The following BCAS3 variants were observed in gnomAD, a reference collection of about 807,000 sequenced individuals.
BCAS3 encodes BCAS3 microtubule associated cell migration factor.
Under a neutral mutation model 116.1 loss-of-function variants are expected in BCAS3, and 53 were observed. The observed-to-expected ratio is 0.46, with a 90% CI of 0.37 to 0.57. The LOEUF is 0.57. Ranked by LOEUF, BCAS3 falls within the 20% of genes least tolerant of loss-of-function variation. The pLI is 0.00. For synonymous variants in BCAS3, 391 were observed against 408.2 expected, an observed-to-expected ratio of 0.96 and a Z score of 0.51; for missense variants, 917 against 1,165.4, an observed-to-expected ratio of 0.79 and a Z score of 3.10.
intron 22 of BCAS3, among the ~76,000 whole-genome samples, chr17:61,350,751 G>A (rs1291116433): frequency 6.6e-6 from 1 of 151,612 alleles, no homozygotes; most frequent in African/African-American, 2.4e-5. Context: ...TCCCATCTCA[G>A]CCTCCTGAGT....
chr17:60,725,195 A>G (rs1343243485), intron 5 of BCAS3, among the ~76,000 whole-genome samples: 1 of 152,164 alleles, frequency 6.6e-6, no homozygotes. Context: ...TCTTTACCCA[A>G]TTAATTGGAA....
rs1455587127 is a variant in BCAS3 at position 61,376,214 on chromosome 17, A to G, written c.2593+7720A>G. ...CTCTCAGGTCCCTTTCCCAAACCTGAGATTCTCTGATTCTAAGTGAAAGGT... is the reference window on the plus strand; with the variant it reads ...CTCTCAGGTCCCTTTCCCAAACCTGGGATTCTCTGATTCTAAGTGAAAGGT... On this transcript the variant is annotated intron_variant, in intron 23 of 23. Coordinates refer to ENST00000407086, the MANE Select transcript of BCAS3 (RefSeq NM_017679.5). This position sits in a 1 kb window ranked among gnomAD's most constrained non-coding sequence, Gnocchi z 4.5. Among the ~76,000 whole-genome samples, 2 of 152,110 alleles carry G rather than the reference A, an allele frequency of 1.3e-5. No individual in the cohort carries two copies. Among genetic ancestry groups the G allele is most frequent in the African/African-American group, 4.8e-5 (2 of 41,404 alleles).
In BCAS3 at chr17:61,084,167, C is replaced by G. The variant is rs1354163766; in HGVS notation, c.2328-300C>G. Among the ~76,000 whole-genome samples, 1 of 152,042 alleles carries G rather than the reference C, an allele frequency of 6.6e-6. No homozygotes were observed. Among genetic ancestry groups the G allele is most frequent in the African/African-American group, 2.4e-5 (1 of 41,334 alleles). ...ATAAACATTTTCAGTGTTTAATTTC[C>G]TCTCCCATTCTACTTATTGTATCCC... On this transcript the variant is annotated intron_variant, in intron 21 of 23. Transcript: ENST00000407086. The surrounding 1 kb of genome is among the most constrained non-coding windows in gnomAD (Gnocchi z 5.5).
At chr17:60,771,415 T>C (rs1415793137) in intron 6 of BCAS3, among the ~76,000 whole-genome samples, 3 of 150,740 alleles carry the variant, frequency 2.0e-5, no homozygotes, top group Non-Finnish European at 4.4e-5. Flanking sequence ...GGATAAAGTA[T>C]GTTGCAAAGA....
intron 4 of BCAS3, among the ~76,000 whole-genome samples, chr17:60,708,056 G>T (rs893319006): frequency 2.7e-4 from 41 of 152,186 alleles, no homozygotes; most frequent in African/African-American, 9.6e-4. Flanking sequence ...GGAAGTGATG[G>T]CTTATACCTG....
intron 12 of BCAS3, among the ~76,000 whole-genome samples, chr17:60,915,674 CT>C (rs1371289681): frequency 3.0e-5 from 4 of 133,744 alleles, no homozygotes; most frequent in South Asian, 2.1e-4. Context: ...GTAGTTCGTA[CT>C]TTTTTTCTTT....
rs2061128395 is a variant in BCAS3, at chr17:60,956,265, T to C, written c.1221+8913T>C. On this transcript the variant is annotated intron_variant, in intron 14 of 23. Transcript: ENST00000407086. The surrounding 1 kb of genome is among the most constrained non-coding windows in gnomAD (Gnocchi z 4.2). ...ACATATCTTCACCACTTTCTGAGCTTGTCCTTACTTTCTGGCACAACTAAC... is the reference window on the plus strand; with the variant it reads ...ACATATCTTCACCACTTTCTGAGCTCGTCCTTACTTTCTGGCACAACTAAC... 6.6e-6 allele frequency among the ~76,000 whole-genome samples: 1 copy of C among 152,238 alleles called. No homozygotes were observed. Among genetic ancestry groups the C allele is most frequent in the African/African-American group, 2.4e-5 (1 of 41,468 alleles).
At chr17:60,887,541 G>A (rs2056806221) in intron 9 of BCAS3, 1 of 152,302 alleles carries the variant, frequency 6.6e-6, no homozygotes, top group African/African-American at 2.4e-5. Flanking sequence ...AGGGGTCCAC[G>A]TTCATTCCAG....
In BCAS3 at chr17:61,259,975, A is replaced by G. The variant is rs2049060326; in HGVS notation, c.2426-108352A>G. Among the ~76,000 whole-genome samples, 1 of 152,220 alleles carries G rather than the reference A, an allele frequency of 6.6e-6. No homozygotes were observed. The highest frequency in any genetic ancestry group is 1.5e-5 in the Non-Finnish European group (1 of 68,032). On this transcript the variant is annotated intron_variant, in intron 22 of 23. Transcript: ENST00000407086. The surrounding 1 kb of genome is among the most constrained non-coding windows in gnomAD (Gnocchi z 4.7). ...GAGGTAGGCGTTGTACAGGCTGCCT[A>G]ACATAGTTTTTTATTAATCCTCACA...
At chr17:60,966,946 C>T (rs917062184) in intron 14 of BCAS3, among the ~76,000 whole-genome samples, 2 of 151,992 alleles carry the variant, frequency 1.3e-5, no homozygotes, top group Non-Finnish European at 2.9e-5. Context: ...ATGCCTGGCA[C>T]CCCCAGCATC....
intron 23 of BCAS3, among the ~76,000 whole-genome samples, chr17:61,375,246 G>GTGTGCGCGCGCGCGCGCGCGCACA (rs1555861733): frequency 9.7e-4 from 147 of 150,782 alleles, no homozygotes; most frequent in African/African-American, 3.6e-3. Context: ...GTGTGTGTGT[G>GTGTGCGCGCGCGCGCGCGCGCACA]TGTGTGTGTA....
intron 6 of BCAS3, among the ~76,000 whole-genome samples, chr17:60,794,883 T>C (rs781455072): frequency 3.3e-5 from 5 of 152,326 alleles, no homozygotes; most frequent in Admixed American, 1.3e-4. Flanking sequence ...TTTGGCTATA[T>C]GGGCTCTTTT....
rs144463680 is a variant in BCAS3, at chr17:61,005,183, C to T, written c.1487-10568C>T. 5.7e-3 allele frequency among the ~76,000 whole-genome samples: 871 copies of T among 152,092 alleles called. 3 individuals are homozygous for T. Among genetic ancestry groups the T allele is most frequent in the Non-Finnish European group, 8.4e-3 (571 of 67,976 alleles). ...GGATCTTTTGTAAAAGTAGGTTTTA[C>T]GTACGTAGGTAAAGTCATAGGCATA... On this transcript the variant is annotated intron_variant, in intron 15 of 23. Transcript: ENST00000407086.
chr17:61,230,734 T>C (rs2082626739), intron 22 of BCAS3, among the ~76,000 whole-genome samples: 2 of 152,168 alleles, frequency 1.3e-5, no homozygotes, highest in Non-Finnish European at 2.9e-5. Context: ...CTATTGTGAA[T>C]AGTGTGGCAG....
intron 7 of BCAS3, among the ~76,000 whole-genome samples, chr17:60,844,801 T>C (rs770590719): frequency 5.3e-5 from 8 of 152,160 alleles, no homozygotes; most frequent in Non-Finnish European, 1.0e-4. Flanking sequence ...GAGGATATCA[T>C]TGTAGTCAGT....
chr17:61,044,183 C>G (rs780427027), intron 19 of BCAS3, among the ~76,000 whole-genome samples: 2 of 151,830 alleles, frequency 1.3e-5, no homozygotes, highest in Non-Finnish European at 2.9e-5. Context: ...CGCGGTGGCT[C>G]AGGCCTGTAA....
chr17:61,368,465 C>T lies in BCAS3; in HGVS notation c.2564C>T (p.Pro855Leu). 1 of 1,609,356 alleles carries T rather than the reference C, an allele frequency of 6.2e-7. No homozygotes were observed. Among genetic ancestry groups the T allele is most frequent in the Non-Finnish European group, 8.5e-7 (1 of 1,176,082 alleles). ...CTTGCCGACGCCATGGCCGAGTCAC[C>T]TAGCCGGGACGTCGTGGGATCCGGA... is the stretch of plus-strand genomic sequence containing the variant. The part of the protein sequence containing the change: ...ERLADAMAES[P>L]SRDVVGSGTE... The change falls in exon 23 of 24, where the codon CCT (proline) becomes CTT (leucine). Residue 855 changes from proline (P) to leucine (L), a missense_variant. This residue lies in a region of BCAS3 where 109 missense variants were observed against 122.8 expected (regional missense o/e 0.89). Coordinates refer to ENST00000407086, the MANE Select transcript of BCAS3 (RefSeq NM_017679.5). The surrounding 1 kb of genome is among the most constrained non-coding windows in gnomAD (Gnocchi z 6.0).
rs941421140 is a variant in BCAS3 at position 61,382,656 on chromosome 17, C to G, written c.2594-9321C>G. ...GGGTGAAAGAGCAAGACCCTGCCTCCAAAAAAAAAAAGGAAGAAGGAAAGA... is the reference window on the plus strand; with the variant it reads ...GGGTGAAAGAGCAAGACCCTGCCTCGAAAAAAAAAAAGGAAGAAGGAAAGA... On this transcript the variant is annotated intron_variant, in intron 23 of 23. Transcript: ENST00000407086. 6 of 137,060 alleles carry G rather than the reference C, an allele frequency of 4.4e-5. No homozygotes were observed. The Admixed American group carries it at 4.4e-4, about 10-fold the overall frequency. 8.5% of individuals were successfully genotyped at this position (137,060 alleles called of 1,614,324 possible).
chr17:61,109,325 C>T (rs1486496863), intron 22 of BCAS3, among the ~76,000 whole-genome samples: 1 of 145,996 alleles, frequency 6.8e-6, no homozygotes, highest in Non-Finnish European at 1.5e-5. Flanking sequence ...GTATACACGC[C>T]ACATTTTCTT....
Sources: gnomAD v4.1 joint callset for allele counts (sites outside exome capture counted in the v4.1 genomes callset) on GRCh38, gnomAD v4.1.1 for gene constraint, gnomAD v4.1.1 regional missense constraint, Gnocchi (gnomAD v3.1) non-coding constraint, MANE v1.5 for transcripts, NCBI Gene and HGNC (gene_info 2026-07-23, HGNC 2026-07-21) for gene names.